The following SYNGR1 variants were observed in gnomAD, a reference collection of about 807,000 sequenced individuals.
SYNGR1 encodes synaptogyrin-1.
SYNGR1 carries 14 observed loss-of-function variants against 26.1 expected under a neutral mutation model. That is an observed-to-expected ratio of 0.54 (90% confidence interval 0.35 to 0.84). The LOEUF is 0.84. Ranked by LOEUF, SYNGR1 falls within the 40% of genes least tolerant of loss-of-function variation. The pLI, the probability that SYNGR1 is intolerant of heterozygous loss-of-function variation, is 0.01. For synonymous variants in SYNGR1, 141 were observed against 150.1 expected (o/e 0.94, Z 0.44); for missense variants, 319 against 332.9 (o/e 0.96, Z 0.33).
At chr22:39,373,256 C>T (rs967982830) in intron 1 of SYNGR1, among the ~76,000 whole-genome samples, 1 of 151,826 alleles carries the variant, frequency 6.6e-6, no homozygotes, top group Non-Finnish European at 1.5e-5. Context: ...GCAACCTCCA[C>T]CTCCCAGGTT....
rs1925611960 is a variant in SYNGR1, at chr22:39,384,955, T to C, written c.*3041T>C. The C allele has an allele frequency of 2.5e-6, 1 of 398,950 alleles. No individual in the cohort carries two copies. Among genetic ancestry groups the C allele is most frequent in the Non-Finnish European group, 4.4e-6 (1 of 226,198 alleles). 24.7% of individuals were successfully genotyped at this position (398,950 alleles called of 1,614,324 possible). On this transcript the variant is annotated 3_prime_UTR_variant, in exon 4 of 4. Coordinates refer to ENST00000328933, the MANE Select transcript of SYNGR1 (RefSeq NM_004711.5). The stretch of plus-strand genomic sequence containing the variant: ...TCACAGACTGTCCTGCCTGCACGGC[T>C]CCTATCCACCTGGGGGTGTCGCAGT...
At chr22:39,352,937 T>C (rs1304674250) in intron 1 of SYNGR1, among the ~76,000 whole-genome samples, 12 of 151,950 alleles carry the variant, frequency 7.9e-5, no homozygotes, top group Non-Finnish European at 1.5e-4. Flanking sequence ...TCTCGGCTCA[T>C]TGCAACCTCC....
chr22:39,361,300 CG>C (rs1271904752), intron 1 of SYNGR1, among the ~76,000 whole-genome samples: 1 of 146,854 alleles, frequency 6.8e-6, no homozygotes, highest in East Asian at 2.1e-4. Flanking sequence ...ACTGGCAGGG[CG>C]GGGGCAGGCA....
In SYNGR1 at chr22:39,350,091, C is replaced by A. The variant is rs781767687; in HGVS notation, c.81C>A (p.Ile27=). ...PYTLVRQPHT[I]LRVVSWLFSI... is the part of the protein sequence containing the mutation. Reference sequence around the variant, plus strand: ...CCCTGGTCCGGCAGCCGCACACCATCCTGCGCGTCGTGTCTTGGGTAAGGA... The same window carrying A: ...CCCTGGTCCGGCAGCCGCACACCATACTGCGCGTCGTGTCTTGGGTAAGGA... Residue 27 remains isoleucine, a synonymous_variant, in exon 1 of 4, where the codon ATC becomes ATA. Transcript: ENST00000328933. The surrounding 1 kb of genome is among the most constrained non-coding windows in gnomAD (Gnocchi z 4.3). 4 of 1,469,724 alleles carry A rather than the reference C, an allele frequency of 2.7e-6. No individual in the cohort carries two copies. Among genetic ancestry groups the A allele is most frequent in the Non-Finnish European group, 3.6e-6 (4 of 1,098,602 alleles). The allele number at this position is 1,469,724 out of a possible 1,614,324, so 91.0% of individuals were successfully genotyped here.
rs71770436 is a variant in SYNGR1, at chr22:39,376,956, CCT to C, written c.483+762_483+763del. 13,059 of 1,548,738 alleles carry C rather than the reference CCT, an allele frequency of 8.4e-3. 892 individuals carry two copies. The African/African-American group carries it at 0.16, about 18-fold the overall frequency. On this transcript the variant is annotated intron_variant, in intron 3 of 3. Transcript: ENST00000328933. ...CCCTGGGCTGGCAGCTCGGCTGGCC[CCT>C]CTTTCCCACTGGTCTGGGTCATGTC...
chr22:39,363,469 G>C (rs1924584068), intron 1 of SYNGR1, among the ~76,000 whole-genome samples: 1 of 152,004 alleles, frequency 6.6e-6, no homozygotes. Flanking sequence ...TGGCCCGAAT[G>C]TCAGACTGGT....
chr22:39,377,203 T>G, intron 3 of SYNGR1: 1 of 1,438,136 alleles, frequency 7.0e-7, no homozygotes, highest in South Asian at 1.5e-5. Context: ...GTTGACGTCT[T>G]TTTCTTTTTG....
chr22:39,352,644 C>T (rs569378026), intron 1 of SYNGR1, among the ~76,000 whole-genome samples: 166 of 152,256 alleles, frequency 1.1e-3, no homozygotes, highest in Non-Finnish European at 2.1e-3. Context: ...CTGCTCTTGG[C>T]CCTCACACCA....
chr22:39,350,215 C>A lies in SYNGR1; in HGVS notation c.99+106C>A. The A allele has an allele frequency of 2.8e-6, 2 of 725,156 alleles. No individual in the cohort carries two copies. Among genetic ancestry groups the A allele is most frequent in the Non-Finnish European group, 3.6e-6 (2 of 559,082 alleles). 44.9% of individuals were successfully genotyped at this position (725,156 alleles called of 1,614,324 possible). A position where few individuals can be genotyped will look rare whatever the true frequency, so the allele number is the denominator to read the frequency against. ...GACCCCGACCCCAACGGGCCCCCGG[C>A]GGCGGCGCGGCGGCGGGCGAGGAGC... On this transcript the variant is annotated intron_variant, in intron 1 of 3. Coordinates refer to ENST00000328933, the MANE Select transcript of SYNGR1 (RefSeq NM_004711.5). This position sits in a 1 kb window ranked among gnomAD's most constrained non-coding sequence, Gnocchi z 4.3.
rs1311401033 is a variant in SYNGR1 at position 39,360,501 on chromosome 22, A to G, written c.99+10392A>G. Among the ~76,000 whole-genome samples, 10 of 152,100 alleles carry G rather than the reference A, an allele frequency of 6.6e-5. 1 individual carries two copies. Among genetic ancestry groups the G allele is most frequent in the Admixed American group, 5.9e-4 (9 of 15,256 alleles). Reference sequence around the variant, plus strand: ...GCCAACTGTCATTGATGGATCTCTCAGCAGCGTCTGGCAGCCGTGAGGGGT... The same window carrying G: ...GCCAACTGTCATTGATGGATCTCTCGGCAGCGTCTGGCAGCCGTGAGGGGT... On this transcript the variant is annotated intron_variant, in intron 1 of 3. Coordinates refer to ENST00000328933, the MANE Select transcript of SYNGR1 (RefSeq NM_004711.5).
Position 39,350,062 on chromosome 22 carries a change from T to G in SYNGR1, c.52T>G (p.Tyr18Asp), listed in dbSNP as rs750648147. Residue 18 changes from tyrosine to aspartate, a missense_variant, in exon 1 of 4, where the codon TAC becomes GAC. Physicochemically the swap from Tyr to Asp is radical, Grantham distance 160. Transcript: ENST00000328933. This position sits in a 1 kb window ranked among gnomAD's most constrained non-coding sequence, Gnocchi z 4.3. Reference sequence around the variant, plus strand: ...CAAAGCCGGGGGCGCCTTCGACCCCTACACCCTGGTCCGGCAGCCGCACAC... The same window carrying G: ...CAAAGCCGGGGGCGCCTTCGACCCCGACACCCTGGTCCGGCAGCCGCACAC... Reference protein sequence around the residue: ...AGKAGGAFDPYTLVRQPHTIL... With the variant: ...AGKAGGAFDPDTLVRQPHTIL... 1 of 1,460,358 alleles carries G rather than the reference T, an allele frequency of 6.8e-7. No homozygotes were observed. The highest frequency in any genetic ancestry group is 9.2e-7 in the Non-Finnish European group (1 of 1,092,510). 90.5% of individuals were successfully genotyped at this position (1,460,358 alleles called of 1,614,324 possible). A position where few individuals can be genotyped will look rare whatever the true frequency, so the allele number is the denominator to read the frequency against.
In SYNGR1 at chr22:39,362,015, C is replaced by CTTTT. The variant is rs377714031; in HGVS notation, c.99+11916_99+11919dup. ...GGGTCTTTGTTTCCTCCTTTCTCTC[C>CTTTT]TTTTTTTTTTTTTGTAGAGACGAGG... On this transcript the variant is annotated intron_variant, in intron 1 of 3. Transcript: ENST00000328933. Among the ~76,000 whole-genome samples, 537 of 139,706 alleles carry CTTTT rather than the reference C, an allele frequency of 3.8e-3. 19 individuals are homozygous for CTTTT. In the South Asian group the frequency reaches 0.06, roughly 16 times the overall value. 91.7% of individuals were successfully genotyped at this position (139,706 alleles called of 152,430 possible). A position where few individuals can be genotyped will look rare whatever the true frequency, so the allele number is the denominator to read the frequency against.
At chr22:39,361,905 G>T (rs1056659260) in intron 1 of SYNGR1, among the ~76,000 whole-genome samples, 2 of 152,182 alleles carry the variant, frequency 1.3e-5, no homozygotes, top group East Asian at 3.9e-4. Context: ...GAAGGCCCTG[G>T]GGGGGTACAG....
Position 39,361,550 on chromosome 22 carries a change from G to A in SYNGR1, c.99+11441G>A, listed in dbSNP as rs1237445019. 2.6e-5 allele frequency among the ~76,000 whole-genome samples: 4 copies of A among 151,130 alleles called. No individual in the cohort carries two copies. In the South Asian group the frequency reaches 8.4e-4, roughly 32 times the overall value. On this transcript the variant is annotated intron_variant, in intron 1 of 3. Coordinates refer to ENST00000328933, the MANE Select transcript of SYNGR1 (RefSeq NM_004711.5). ...TTTTTTTTGTATTTTTAGTAGAGAT[G>A]GGTCTCACCATGTTGGCCAGGCTGG...
intron 1 of SYNGR1, among the ~76,000 whole-genome samples, chr22:39,362,845 C>CT (rs1924549571): frequency 1.3e-5 from 2 of 151,766 alleles, no homozygotes; most frequent in Non-Finnish European, 2.9e-5. Flanking sequence ...CTGGCCCTCT[C>CT]TGACTATCAG....
chr22:39,380,140 G>C (rs1332718305), intron 3 of SYNGR1: 1 of 142,870 alleles, frequency 7.0e-6, no homozygotes, highest in East Asian at 2.2e-4. Context: ...CTGTAGACAA[G>C]TCTTTCCCAA....
chr22:39,370,497 C>T (rs1158592434), intron 1 of SYNGR1, among the ~76,000 whole-genome samples: 2 of 152,014 alleles, frequency 1.3e-5, no homozygotes, highest in African/African-American at 2.4e-5. Flanking sequence ...GCTGGTTGTT[C>T]CTTTTTATGG....
intron 3 of SYNGR1, chr22:39,377,728 C>T: frequency 6.2e-7 from 1 of 1,606,818 alleles, no homozygotes; most frequent in Non-Finnish European, 8.5e-7. Flanking sequence ...CCCTGTATCA[C>T]CCCTGGCAGT....
chr22:39,353,046 G>A (rs1023565483), intron 1 of SYNGR1, among the ~76,000 whole-genome samples: 1 of 152,106 alleles, frequency 6.6e-6, no homozygotes, highest in African/African-American at 2.4e-5. Context: ...ATTTTTAGTA[G>A]AGATGGGGTT....
Sources: gnomAD v4.1 joint callset for allele counts (sites outside exome capture counted in the v4.1 genomes callset) on GRCh38, gnomAD v4.1.1 for gene constraint, Gnocchi (gnomAD v3.1) non-coding constraint, MANE v1.5 for transcripts, NCBI Gene and HGNC (gene_info 2026-07-23, HGNC 2026-07-21) for gene names.